The following NSD2 variants were observed in gnomAD, a reference collection of about 807,000 sequenced individuals.
The protein encoded by NSD2 is histone-lysine N-methyltransferase NSD2.
NSD2 carries 12 observed loss-of-function variants against 139.0 expected under a neutral mutation model. The ratio of observed to expected loss-of-function variants is 0.09; its 90% CI spans 0.06 to 0.14. The LOEUF (loss-of-function observed/expected upper bound fraction) is 0.14. Among genes scored for constraint, NSD2 ranks in the 10% least tolerant of loss-of-function variants. The pLI, the probability that NSD2 is intolerant of heterozygous loss-of-function variation, is 1.00. For missense variants in NSD2, 1,155 were observed against 1,745.0 expected (o/e 0.66, Z 6.02); for synonymous variants, 669 against 648.7 (o/e 1.03, Z -0.48).
chr4:1,955,424 G>A lies in NSD2; in HGVS notation c.2518+84G>A, dbSNP rs553770581. ...CAAGGCAGGCTCATTCCTTGTCTGC[G>A]CTGTGTTCATTGATGTTGACAGTGT... On this transcript the variant is annotated intron_variant, in intron 13 of 21. Transcript: ENST00000508803. The surrounding 1 kb of genome is among the most constrained non-coding windows in gnomAD (Gnocchi z 4.7). 312 of 1,475,450 alleles carry A rather than the reference G, an allele frequency of 2.1e-4. No individual in the cohort carries two copies. The African/African-American group carries it at 3.7e-3, about 18-fold the overall frequency. The allele number at this position is 1,475,450 out of a possible 1,614,324, so 91.4% of individuals were successfully genotyped here. A position where few individuals can be genotyped will look rare whatever the true frequency, so the allele number is the denominator to read the frequency against.
chr4:1,872,637 C>CGAGAGAGCGAGA (rs1375337847), intron 1 of NSD2, among the ~76,000 whole-genome samples: 1 of 81,746 alleles, frequency 1.2e-5, no homozygotes, highest in Non-Finnish European at 2.5e-5. Flanking sequence ...AGAGAGAGAG[C>CGAGAGAGCGAGA]GCGCAGACCC....
chr4:1,900,225 C>T (rs907987548), intron 1 of NSD2, among the ~76,000 whole-genome samples: 1 of 152,162 alleles, frequency 6.6e-6, no homozygotes, highest in Non-Finnish European at 1.5e-5. Flanking sequence ...TTTGCATAGG[C>T]CTGGCATTAT....
chr4:1,879,020 G>T (rs1714508495), intron 1 of NSD2, among the ~76,000 whole-genome samples: 1 of 152,036 alleles, frequency 6.6e-6, no homozygotes, highest in South Asian at 2.1e-4. Flanking sequence ...CCTCGCTTCT[G>T]ACCTACCTTA....
chr4:1,910,076 A>G (rs1479812554), intron 3 of NSD2, among the ~76,000 whole-genome samples: 4 of 152,228 alleles, frequency 2.6e-5, no homozygotes, highest in Admixed American at 6.5e-5. Context: ...CTCATAAGCT[A>G]CAGCTCAATC....
chr4:1,921,519 T>C (rs184965980), intron 5 of NSD2, among the ~76,000 whole-genome samples: 14 of 150,218 alleles, frequency 9.3e-5, no homozygotes, highest in African/African-American at 3.2e-4. Context: ...CAATGGCTCA[T>C]ATCTGTAATC....
chr4:1,928,050 C>T (rs1326011506), intron 5 of NSD2, among the ~76,000 whole-genome samples: 1 of 151,630 alleles, frequency 6.6e-6, no homozygotes, highest in South Asian at 2.1e-4. Flanking sequence ...CCACCATACC[C>T]AACTAATTTA....
chr4:1,928,435 TTG>T (rs1721216694), intron 5 of NSD2, among the ~76,000 whole-genome samples: 2 of 152,164 alleles, frequency 1.3e-5, no homozygotes. Context: ...CTGACCCTAA[TTG>T]TGTGTGAGCA....
rs1214379964 is a variant in NSD2 at position 1,958,416 on chromosome 4, T to C, written c.2985+380T>C. On this transcript the variant is annotated intron_variant, in intron 16 of 21. Transcript: ENST00000508803. This position sits in a 1 kb window ranked among gnomAD's most constrained non-coding sequence, Gnocchi z 4.6. Reference sequence around the variant, plus strand: ...GACTGAGCCCCAAACACGTAGATCCTGTACCTCAGAGAGCAAGATGGCGGG... The same window carrying C: ...GACTGAGCCCCAAACACGTAGATCCCGTACCTCAGAGAGCAAGATGGCGGG... 6.6e-6 allele frequency among the ~76,000 whole-genome samples: 1 copy of C among 152,216 alleles called. No homozygotes were observed. The highest frequency in any genetic ancestry group is 2.4e-5 in the African/African-American group (1 of 41,462).
chr4:1,952,960 AATG>A, intron 11 of NSD2: 2 of 1,430,372 alleles, frequency 1.4e-6, no homozygotes, highest in Non-Finnish European at 9.1e-7. Flanking sequence ...GCCTGCCCAG[AATG>A]ATAAGTGACT....
intron 2 of NSD2, among the ~76,000 whole-genome samples, chr4:1,901,909 G>A (rs921242121): frequency 5.9e-5 from 9 of 152,214 alleles, no homozygotes; most frequent in Admixed American, 2.6e-4. Context: ...CGATGGAAAG[G>A]TGTGGTGGTG....
At chr4:1,946,917 C>T in intron 9 of NSD2, 3 of 1,059,006 alleles carry the variant, frequency 2.8e-6, no homozygotes, top group East Asian at 1.0e-4. Context: ...TTTTTTCTAG[C>T]CTACCTATAG....
In NSD2 at chr4:1,959,824, G is replaced by A. The variant is rs1417150281; in HGVS notation, c.3255+84G>A. 13 of 1,543,316 alleles carry A rather than the reference G, an allele frequency of 8.4e-6. No individual in the cohort carries two copies. The Admixed American group carries it at 1.4e-4, about 17-fold the overall frequency. On this transcript the variant is annotated intron_variant, in intron 17 of 21. Coordinates refer to ENST00000508803, the MANE Select transcript of NSD2 (RefSeq NM_001042424.3). ...GCCTAGGTTTGCTTGTGGTGGTTTT[G>A]TAGTCATGTGAGAATGGTATTTTTT...
intron 2 of NSD2, among the ~76,000 whole-genome samples, chr4:1,902,390 T>C (rs1291637736): frequency 6.6e-6 from 1 of 152,038 alleles, no homozygotes; most frequent in East Asian, 1.9e-4. Context: ...TATGCCCAGT[T>C]AATTTTTTAT....
rs892641984 is a variant in NSD2 at position 1,958,613 on chromosome 4, C to T, written c.2985+577C>T. On this transcript the variant is annotated intron_variant, in intron 16 of 21. Transcript: ENST00000508803. This position sits in a 1 kb window ranked among gnomAD's most constrained non-coding sequence, Gnocchi z 4.6. ...CCAGGAGCCTCGTGGCCGTTCCTGA[C>T]GAGTGTTTGTGATAAGTGTGTGCCG... is the stretch of plus-strand genomic sequence containing the variant. Among the ~76,000 whole-genome samples the T allele has an allele frequency of 1.2e-4, 19 of 152,216 alleles. No individual in the cohort carries two copies. Among genetic ancestry groups the T allele is most frequent in the African/African-American group, 3.1e-4 (13 of 41,456 alleles).
intron 1 of NSD2, among the ~76,000 whole-genome samples, chr4:1,876,875 C>T (rs1714301638): frequency 6.6e-6 from 1 of 152,060 alleles, no homozygotes; most frequent in Admixed American, 6.6e-5. Flanking sequence ...GTGGCTCACG[C>T]CTGTAATCCC....
chr4:1,948,505 A>G lies in NSD2; in HGVS notation c.1882-2567A>G, dbSNP rs1723873166. ...TGCGGGTGGTTGCCGAGCCGAGAGC[A>G]TTGGATCCTCCCCGACTGTGGCTAG... On this transcript the variant is annotated intron_variant, in intron 9 of 21. Transcript: ENST00000508803. This position sits in a 1 kb window ranked among gnomAD's most constrained non-coding sequence, Gnocchi z 4.5. 2 of 1,064,120 alleles carry G rather than the reference A, an allele frequency of 1.9e-6. No individual in the cohort carries two copies. The highest frequency in any genetic ancestry group is 1.1e-6 in the Non-Finnish European group (1 of 877,714). The allele number at this position is 1,064,120 out of a possible 1,614,324, so 65.9% of individuals were successfully genotyped here.
chr4:1,898,582 C>G (rs1716707787), intron 1 of NSD2, among the ~76,000 whole-genome samples: 1 of 151,418 alleles, frequency 6.6e-6, no homozygotes, highest in South Asian at 2.1e-4. Context: ...GAGAATTGAA[C>G]CCGGGAGGTG....
chr4:1,938,428 T>G, intron 7 of NSD2, 23 bp from the exon 8 acceptor site: 1 of 1,192,594 alleles, frequency 8.4e-7, no homozygotes, highest in African/African-American at 1.7e-5. Flanking sequence ...TTTTTTTTTT[T>G]TTTTTTTTTT....
chr4:1,953,013 T>A, intron 11 of NSD2: 1 of 1,440,544 alleles, frequency 6.9e-7, no homozygotes, highest in East Asian at 2.5e-5. Context: ...AGGAAAGGCC[T>A]CTTTTCATAG....
Sources: allele counts gnomAD v4.1 joint callset (sites outside exome capture counted in the v4.1 genomes callset), GRCh38; gene constraint gnomAD v4.1.1; non-coding constraint Gnocchi (gnomAD v3.1); transcripts MANE v1.5; gene names NCBI Gene and HGNC (gene_info 2026-07-23, HGNC 2026-07-21).